The following NIPSNAP3B variants were observed in gnomAD, a reference collection of about 807,000 sequenced individuals.
NIPSNAP3B encodes the protein protein NipSnap homolog 3B.
NIPSNAP3B carries 30 observed loss-of-function variants against 31.5 expected under a neutral mutation model. That is an observed-to-expected ratio of 0.95 (90% CI 0.71 to 1.29). The LOEUF (loss-of-function observed/expected upper bound fraction) is 1.29. Ranked by LOEUF, NIPSNAP3B falls within the 50% of genes most tolerant of loss-of-function variation. The pLI is 0.00. For synonymous variants in NIPSNAP3B, 106 were observed against 107.9 expected, an observed-to-expected ratio of 0.98 and a Z score of 0.11; for missense variants, 269 against 300.7, an observed-to-expected ratio of 0.89 and a Z score of 0.78.
the NIPSNAP3B span, chr9:104,788,704 G>A: frequency 8.8e-7 from 1 of 1,141,660 alleles, no homozygotes; most frequent in Non-Finnish European, 1.3e-6. Flanking sequence ...TGAAAGCACA[G>A]CCTTTCTGCC....
At chr9:104,784,650 T>C in the NIPSNAP3B span, among the ~76,000 whole-genome samples, 1 of 152,154 alleles carries the variant, frequency 6.6e-6, no homozygotes, top group African/African-American at 2.4e-5. Flanking sequence ...AAATAGACTT[T>C]TTTTCCCCCC....
At position 104,777,230 on chromosome 9, in the gene NIPSNAP3B, C is replaced by T. The variant is rs1300804306; in HGVS notation, c.*4157C>T. 6.6e-6 allele frequency: 1 copy of T among 152,232 alleles called. No individual in the cohort carries two copies. The highest frequency in any genetic ancestry group is 1.5e-5 in the Non-Finnish European group (1 of 68,056). The allele number at this position is 152,232 out of a possible 1,614,324, so 9.4% of individuals were successfully genotyped here. Reference sequence around the variant, plus strand: ...ACTTGTAGACTCAAACTCTGGACTTCATTCTCAGCACCATCTCTTAACCTA... The same window carrying T: ...ACTTGTAGACTCAAACTCTGGACTTTATTCTCAGCACCATCTCTTAACCTA... On this transcript the variant is annotated 3_prime_UTR_variant, in exon 6 of 6. Transcript: ENST00000374762.
Position 104,768,944 on chromosome 9 carries a change from T to C in NIPSNAP3B, c.353T>C (p.Leu118Ser), listed in dbSNP as rs940583003. 58 of 1,613,870 alleles carry C rather than the reference T, an allele frequency of 3.6e-5. No individual in the cohort carries two copies. Among genetic ancestry groups the C allele is most frequent in the Non-Finnish European group, 4.7e-5 (55 of 1,179,914 alleles). ...EWQEQSIIPN[L>S]ARIDKQETEI... ...CAAGAACAATCTATCATTCCAAATT[T>C]GGCTCGCATTGATAAACAAGAGACG... Residue 118 changes from leucine to serine, a missense_variant, in exon 3 of 6, where the codon TTG (leucine) becomes TCG (serine). Physicochemically the swap from Leu to Ser is moderately radical, Grantham distance 145 (BLOSUM62 -2). Transcript: ENST00000374762.
the NIPSNAP3B span, chr9:104,788,446 G>T: frequency 6.2e-7 from 1 of 1,614,120 alleles, no homozygotes; most frequent in Non-Finnish European, 8.5e-7. Context: ...TCTTTCTCTG[G>T]GACTCCTCTC....
chr9:104,779,628 T>C (rs1744345528), downstream of NIPSNAP3B, among the ~76,000 whole-genome samples: 1 of 151,932 alleles, frequency 6.6e-6, no homozygotes, highest in Non-Finnish European at 1.5e-5. Context: ...TGGGTTTTTT[T>C]TTTTTTTTTA....
rs1252009196 is a variant in NIPSNAP3B, at chr9:104,776,633, C to T, written c.*3560C>T. Among the ~76,000 whole-genome samples, 1 of 152,138 alleles carries T rather than the reference C, an allele frequency of 6.6e-6. No individual in the cohort carries two copies. Among genetic ancestry groups the T allele is most frequent in the Non-Finnish European group, 1.5e-5 (1 of 68,022 alleles). On this transcript the variant is annotated 3_prime_UTR_variant, in exon 6 of 6. Transcript: ENST00000374762. ...GAGAAAGAAATGTTTGTTGTTTAAG[C>T]CACCCTGTCTATGGTACTCTTGTTA... is the stretch of plus-strand genomic sequence containing the variant.
chr9:104,783,847 T>C, the NIPSNAP3B span: 1 of 169,598 alleles, frequency 5.9e-6, no homozygotes, highest in South Asian at 1.5e-4. Context: ...TTGCCAGCAA[T>C]GGATGTGTCA....
rs1588171528 is a variant in NIPSNAP3B, at chr9:104,776,102, C to T, written c.*3029C>T. Among the ~76,000 whole-genome samples, 1 of 152,270 alleles carries T rather than the reference C, an allele frequency of 6.6e-6. No individual in the cohort carries two copies. The highest frequency in any genetic ancestry group is 2.1e-4 in the South Asian group (1 of 4,830). ...TCATGTCATCCTCAGAGTTATTGTC[C>T]AAGCCTCTAACTGTGGTCTACAAGT... On this transcript the variant is annotated 3_prime_UTR_variant, in exon 6 of 6. Transcript: ENST00000374762.
At chr9:104,770,815 T>C in intron 3 of NIPSNAP3B, 34 bp from the exon 4 acceptor site, 1 of 1,600,500 alleles carries the variant, frequency 6.2e-7, no homozygotes, top group Non-Finnish European at 8.5e-7. Context: ...TTTGAATGTC[T>C]TCTGTGAAAT....
chr9:104,788,068 A>C, the NIPSNAP3B span: 2 of 1,613,994 alleles, frequency 1.2e-6, no homozygotes, highest in East Asian at 4.5e-5. Flanking sequence ...CAGTGATAAA[A>C]AGCACCTTGA....
the NIPSNAP3B span, chr9:104,787,871 T>G: frequency 6.2e-7 from 1 of 1,613,836 alleles, no homozygotes; most frequent in East Asian, 2.2e-5. Context: ...AACAGTCATG[T>G]TTTCCACTCA....
At chr9:104,782,050 T>C (rs1828577055), downstream of NIPSNAP3B, 1 of 152,156 alleles carries the variant, frequency 6.6e-6, no homozygotes, top group Non-Finnish European at 1.5e-5. Flanking sequence ...TTTTTTAAAA[T>C]ATGGCCTTGA....
rs1828037896 is a variant in NIPSNAP3B, at chr9:104,764,194, T to C, written c.-47T>C. On this transcript the variant is annotated 5_prime_UTR_variant, in exon 1 of 6. Coordinates refer to ENST00000374762, the MANE Select transcript of NIPSNAP3B (RefSeq NM_018376.4). Reference sequence around the variant, plus strand: ...CACTCGGGAAGACTTCAGAGAAGTCTCACAAAGGACTCGGCTGGCTGCTTT... The same window carrying C: ...CACTCGGGAAGACTTCAGAGAAGTCCCACAAAGGACTCGGCTGGCTGCTTT... 4 of 1,558,942 alleles carry C rather than the reference T, an allele frequency of 2.6e-6. No homozygotes were observed. Among genetic ancestry groups the C allele is most frequent in the Admixed American group, 3.7e-5 (2 of 53,670 alleles).
the NIPSNAP3B span, chr9:104,785,506 G>A: frequency 6.2e-7 from 1 of 1,613,646 alleles, no homozygotes; most frequent in Non-Finnish European, 8.5e-7. Context: ...GATGGAAGCT[G>A]GTATTGTAGC....
chr9:104,782,116 G>A (rs1828581412), downstream of NIPSNAP3B: 1 of 151,994 alleles, frequency 6.6e-6, no homozygotes, highest in South Asian at 2.1e-4. Flanking sequence ...TGAAGAATTA[G>A]AATACGATTT....
At chr9:104,788,796 A>G in the NIPSNAP3B span, among the ~76,000 whole-genome samples, 1 of 152,194 alleles carries the variant, frequency 6.6e-6, no homozygotes, top group South Asian at 2.1e-4. Context: ...CTCTCTGAAC[A>G]CTTCAGTCTG....
At chr9:104,767,952 C>T (rs1828123499) in intron 2 of NIPSNAP3B, among the ~76,000 whole-genome samples, 2 of 152,104 alleles carry the variant, frequency 1.3e-5, no homozygotes, top group South Asian at 4.1e-4. Flanking sequence ...AGCTCAAGTC[C>T]ATTATATGAA....
At chr9:104,781,962 T>G (rs1210508094), downstream of NIPSNAP3B, 1 of 152,180 alleles carries the variant, frequency 6.6e-6, no homozygotes, top group African/African-American at 2.4e-5. Flanking sequence ...TATAGATTGT[T>G]TCTAGCTTCA....
Position 104,776,332 on chromosome 9 carries a change from C to T in NIPSNAP3B, c.*3259C>T, listed in dbSNP as rs139313952. Among the ~76,000 whole-genome samples the T allele has an allele frequency of 3.9e-5, 6 of 152,246 alleles. No homozygotes were observed. The East Asian group carries it at 9.7e-4, about 25-fold the overall frequency. On this transcript the variant is annotated 3_prime_UTR_variant, in exon 6 of 6. Transcript: ENST00000374762. ...GCCCTCATGAAGCCTTCCCTGACAA[C>T]CCTATTTAAGATTGTAATCCCCTCC...
Sources: gnomAD v4.1 joint callset for allele counts (sites outside exome capture counted in the v4.1 genomes callset) on GRCh38, gnomAD v4.1.1 for gene constraint, MANE v1.5 for transcripts, NCBI Gene and HGNC (gene_info 2026-07-23, HGNC 2026-07-21) for gene names.